NOTCH2NLC: variants seen among roughly 807,000 people sequenced by gnomAD.
The protein encoded by NOTCH2NLC is notch 2 N-terminal like C.
A neutral mutation model predicts 17.7 loss-of-function variants in NOTCH2NLC; 4 were observed. The observed-to-expected ratio is 0.23, with a 90% CI of 0.11 to 0.52. The LOEUF (loss-of-function observed/expected upper bound fraction) is 0.52. Ranked by LOEUF, NOTCH2NLC falls within the 20% of genes least tolerant of loss-of-function variation. The probability of loss-of-function intolerance (pLI) is 0.96; values close to 1 mark genes in which losing one functional copy is unlikely to be tolerated. For synonymous variants in NOTCH2NLC, 18 were observed against 86.0 expected, an observed-to-expected ratio of 0.21 and a Z score of 4.38; for missense variants, 57 against 207.2, an observed-to-expected ratio of 0.28 and a Z score of 4.45.
chr1:149,445,871 GT>G (rs1395624126), intron 2 of NOTCH2NLC, among the ~76,000 whole-genome samples: 31 of 77,944 alleles, frequency 4.0e-4, no homozygotes, highest in Non-Finnish European at 5.4e-4. Context: ...TGTTGTTGTT[GT>G]TTTTTTTTGA....
intron 1 of NOTCH2NLC, among the ~76,000 whole-genome samples, chr1:149,429,749 G>A (rs1245260066): frequency 2.0e-5 from 3 of 151,160 alleles, no homozygotes; most frequent in Admixed American, 2.0e-4. Flanking sequence ...TACTGGTTTC[G>A]TGGCCAGGGA....
chr1:149,416,780 C>T (rs1439291265), intron 1 of NOTCH2NLC, among the ~76,000 whole-genome samples: 1 of 148,254 alleles, frequency 6.7e-6, no homozygotes, highest in Admixed American at 6.7e-5. Context: ...ATGTTGAATC[C>T]TAGAGTTGGC....
intron 1 of NOTCH2NLC, among the ~76,000 whole-genome samples, chr1:149,412,257 T>C (rs1397890744): frequency 1.3e-5 from 2 of 148,574 alleles, no homozygotes; most frequent in East Asian, 2.0e-4. Context: ...TGAAACCAAT[T>C]TGGTAGGTCT....
At chr1:149,443,654 C>T (rs1411759365) in intron 2 of NOTCH2NLC, among the ~76,000 whole-genome samples, 5 of 150,050 alleles carry the variant, frequency 3.3e-5, no homozygotes, top group East Asian at 4.0e-4. Flanking sequence ...GACTGAACAG[C>T]GTGTACAGAG....
chr1:149,398,913 ATC>A (rs2084227725), intron 1 of NOTCH2NLC, among the ~76,000 whole-genome samples: 1 of 152,166 alleles, frequency 6.6e-6, no homozygotes, highest in South Asian at 2.1e-4. Context: ...GACAGGTTGG[ATC>A]TATGGGTGTT....
chr1:149,428,631 A>G (rs1179292399), intron 1 of NOTCH2NLC, among the ~76,000 whole-genome samples: 1 of 150,474 alleles, frequency 6.6e-6, no homozygotes, highest in East Asian at 2.0e-4. Flanking sequence ...CATGCCATTC[A>G]TGTACTTATA....
rs2084708485 is a variant in NOTCH2NLC, at chr1:149,470,193, T to G, written c.*6040T>G. Among the ~76,000 whole-genome samples, 2 of 151,246 alleles carry G rather than the reference T, an allele frequency of 1.3e-5. No individual in the cohort carries two copies. The highest frequency in any genetic ancestry group is 3.0e-5 in the Non-Finnish European group (2 of 67,636). On this transcript the variant is annotated 3_prime_UTR_variant, in exon 5 of 5. Coordinates refer to ENST00000650865, the MANE Select transcript of NOTCH2NLC (RefSeq NM_001364013.2). ...TCAAGTCAGCCATGTGGCTCTCAAC[T>G]TCCTCATCTGTAACATAAAAGGATT...
chr1:149,451,185 A>G (rs1424719581), intron 2 of NOTCH2NLC, among the ~76,000 whole-genome samples: 1 of 146,526 alleles, frequency 6.8e-6, no homozygotes, highest in Non-Finnish European at 1.5e-5. Flanking sequence ...TTAAAACGGT[A>G]CATGGAGTGG....
chr1:149,460,728 C>T (rs1470536465), intron 3 of NOTCH2NLC, among the ~76,000 whole-genome samples: 14 of 148,032 alleles, frequency 9.5e-5, no homozygotes, highest in African/African-American at 3.5e-4. Flanking sequence ...TTTGTGATAG[C>T]GCTATACCTC....
Position 149,464,918 on chromosome 1 carries a change from A to G in NOTCH2NLC, c.*765A>G, listed in dbSNP as rs1414746054. The G allele has an allele frequency of 6.8e-6, 1 of 148,104 alleles. No individual in the cohort carries two copies. The highest frequency in any genetic ancestry group is 1.5e-5 in the Non-Finnish European group (1 of 66,462). The allele number at this position is 148,104 out of a possible 1,614,324, so 9.2% of individuals were successfully genotyped here. A position where few individuals can be genotyped will look rare whatever the true frequency, so the allele number is the denominator to read the frequency against. ...AATGGGATTGTGTGTTTTATTTTGG[A>G]GGAATTAAAGGTCATAGTTTGGTCC... On this transcript the variant is annotated 3_prime_UTR_variant, in exon 5 of 5. Transcript: ENST00000650865.
chr1:149,454,543 C>T (rs1284282012), intron 2 of NOTCH2NLC, among the ~76,000 whole-genome samples: 26 of 149,566 alleles, frequency 1.7e-4, no homozygotes, highest in Middle Eastern at 3.5e-3. Context: ...TGTTATTCTT[C>T]AATTGATTCC....
At chr1:149,423,036 G>T (rs2084386436) in intron 1 of NOTCH2NLC, among the ~76,000 whole-genome samples, 1 of 143,674 alleles carries the variant, frequency 7.0e-6, no homozygotes, top group South Asian at 2.2e-4. Context: ...TGTTATCGTT[G>T]ATTATATTTT....
intron 2 of NOTCH2NLC, among the ~76,000 whole-genome samples, chr1:149,435,478 A>G (rs1277784274): frequency 1.3e-5 from 2 of 149,246 alleles, no homozygotes; most frequent in African/African-American, 2.5e-5. Flanking sequence ...CACAAATCTT[A>G]GTCATGAGAT....
chr1:149,462,226 A>G (rs1159523453), intron 3 of NOTCH2NLC, among the ~76,000 whole-genome samples: 1 of 147,288 alleles, frequency 6.8e-6, no homozygotes, highest in African/African-American at 2.5e-5. Flanking sequence ...CCATGTGAAT[A>G]CCAAATTTAC....
rs1331244381 is a variant in NOTCH2NLC at position 149,413,565 on chromosome 1, A to G, written c.136-17377A>G. 4.6e-5 allele frequency among the ~76,000 whole-genome samples: 7 copies of G among 151,268 alleles called. 1 individual carries two copies. Among genetic ancestry groups the G allele is most frequent in the Middle Eastern group, 3.5e-3 (1 of 288 alleles). ...TACCAATTATTTTGATACAGCGGCC[A>G]TGCCTGGGATATGAACTCAGCTGTT... On this transcript the variant is annotated intron_variant, in intron 1 of 4. Coordinates refer to ENST00000650865, the MANE Select transcript of NOTCH2NLC (RefSeq NM_001364013.2).
In NOTCH2NLC at chr1:149,427,484, T is replaced by A. The variant is rs2691717; in HGVS notation, c.136-3458T>A. On this transcript the variant is annotated intron_variant, in intron 1 of 4. Transcript: ENST00000650865. ...TGAATAGTATTCCATTGTATGTATCTACCACAGCTTTTTTTTTTTTTTTTT... is the reference window on the plus strand; with the variant it reads ...TGAATAGTATTCCATTGTATGTATCAACCACAGCTTTTTTTTTTTTTTTTT... Among the ~76,000 whole-genome samples the A allele has an allele frequency of 6.0e-3, 836 of 139,714 alleles. 6 individuals are homozygous for A. Among genetic ancestry groups the A allele is most frequent in the Non-Finnish European group, 9.8e-3 (628 of 64,082 alleles). 91.7% of individuals were successfully genotyped at this position (139,714 alleles called of 152,430 possible).
chr1:149,402,347 C>T (rs1287970033), intron 1 of NOTCH2NLC, among the ~76,000 whole-genome samples: 78 of 150,772 alleles, frequency 5.2e-4, no homozygotes, highest in African/African-American at 1.7e-3. Flanking sequence ...TCCCAAAGTG[C>T]TGGGATTACA....
chr1:149,419,663 T>C (rs2084367506), intron 1 of NOTCH2NLC, among the ~76,000 whole-genome samples: 1 of 149,470 alleles, frequency 6.7e-6, no homozygotes, highest in Admixed American at 6.7e-5. Context: ...ACTGGCGTTT[T>C]TAAGAGGAAC....
rs1426304640 is a variant in NOTCH2NLC at position 149,413,850 on chromosome 1, G to T, written c.136-17092G>T. On this transcript the variant is annotated intron_variant, in intron 1 of 4. Transcript: ENST00000650865. ...GGCTGTAGATTTTCAGCATGGTGAG[G>T]TGATGATACATGTTGGTCCCCCATG... is the stretch of plus-strand genomic sequence containing the variant. Among the ~76,000 whole-genome samples, 5 of 151,210 alleles carry T rather than the reference G, an allele frequency of 3.3e-5. 1 individual carries two copies. The highest frequency in any genetic ancestry group is 6.6e-5 in the Admixed American group (1 of 15,176).
Sources: allele counts gnomAD v4.1 joint callset (sites outside exome capture counted in the v4.1 genomes callset), GRCh38; gene constraint gnomAD v4.1.1; transcripts MANE v1.5; gene names NCBI Gene and HGNC (gene_info 2026-07-23, HGNC 2026-07-21).